The following ZFHX3 variants were observed in gnomAD, a reference collection of about 807,000 sequenced individuals.
The protein encoded by ZFHX3 is zinc finger homeobox 3, also known as zinc finger homeobox protein 3.
Under a neutral mutation model 279.1 loss-of-function variants are expected in ZFHX3, and 42 were observed. That is an observed-to-expected ratio of 0.15 (90% CI 0.12 to 0.19). The LOEUF (loss-of-function observed/expected upper bound fraction) is 0.19, where lower values mean the gene tolerates loss of function less well. Ranked by LOEUF, ZFHX3 falls within the 10% of genes least tolerant of loss-of-function variation. The pLI, the probability that ZFHX3 is intolerant of heterozygous loss-of-function variation, is 1.00. For missense variants in ZFHX3, 4,981 were observed against 4,754.0 expected (o/e 1.05, Z -1.40); for synonymous variants, 2,293 against 1,957.8 (o/e 1.17, Z -4.52).
chr16:72,982,658 C>T (rs1018328793), intron 1 of ZFHX3, among the ~76,000 whole-genome samples: 1 of 152,112 alleles, frequency 6.6e-6, no homozygotes, highest in Admixed American at 6.5e-5. Context: ...GACATTAAGT[C>T]GTAAATTTTT....
intron 5 of ZFHX3, among the ~76,000 whole-genome samples, chr16:72,823,758 C>T (rs867987502): frequency 6.6e-6 from 1 of 152,130 alleles, no homozygotes; most frequent in South Asian, 2.1e-4. Flanking sequence ...TTGTTAATAA[C>T]CCATTTGGTC....
chr16:73,311,586 T>A (rs1350348021), intron 4 of ZFHX3, among the ~76,000 whole-genome samples: 3 of 57,958 alleles, frequency 5.2e-5, no homozygotes, highest in East Asian at 4.5e-4. Context: ...ACATACTCCA[T>A]CTCAAAAAAA....
At chr16:73,136,385 ACTAT>A (rs747080286) in intron 6 of ZFHX3, among the ~76,000 whole-genome samples, 6 of 151,976 alleles carry the variant, frequency 3.9e-5, no homozygotes, top group South Asian at 2.1e-4. Flanking sequence ...TTCATTCTAA[ACTAT>A]CTATTAGGTT....
chr16:72,945,102 C>A (rs929715883), intron 3 of ZFHX3, among the ~76,000 whole-genome samples: 1 of 152,082 alleles, frequency 6.6e-6, no homozygotes, highest in African/African-American at 2.4e-5. Context: ...AAAGCTTGTG[C>A]CTAAAGCCAT....
At chr16:73,152,561 G>C (rs1224421555) in intron 5 of ZFHX3, among the ~76,000 whole-genome samples, 1 of 151,620 alleles carries the variant, frequency 6.6e-6, no homozygotes, top group Non-Finnish European at 1.5e-5. Context: ...AGGGATTGCT[G>C]GCTCTTTTCA....
rs745673984 is a variant in ZFHX3, at chr16:72,797,583, T to C, written c.5099A>G (p.Asn1700Ser). Residue 1700 changes from asparagine (N) to serine (S), a missense_variant, in exon 9 of 10, where the codon AAC (asparagine) becomes AGC (serine). Asn to Ser is a conservative substitution (Grantham distance 46). Transcript: ENST00000268489. ...TTTGGGCTCTGAAGGGGAAGCAATG[T>C]TGGCACCAATAGGATTCCCCAGGGG... Reference protein sequence around the residue: ...MPPLGNPIGANIASPSEPKEA... With the variant: ...MPPLGNPIGASIASPSEPKEA... The C allele has an allele frequency of 1.9e-6, 3 of 1,614,084 alleles. No homozygotes were observed. The highest frequency in any genetic ancestry group is 2.5e-6 in the Non-Finnish European group (3 of 1,180,002).
At chr16:73,634,520 G>A (rs1435492739) in intron 2 of ZFHX3, among the ~76,000 whole-genome samples, 1 of 149,764 alleles carries the variant, frequency 6.7e-6, no homozygotes, top group Non-Finnish European at 1.5e-5. Context: ...TATTTCCCCA[G>A]ATATTTTACA....
At chr16:73,169,142 T>G (rs576135817) in intron 5 of ZFHX3, among the ~76,000 whole-genome samples, 15 of 152,332 alleles carry the variant, frequency 9.8e-5, no homozygotes, top group Admixed American at 5.2e-4. Flanking sequence ...TAAAGTTCAC[T>G]TATTTGTTCA....
At chr16:73,498,054 T>C (rs561833512) in intron 2 of ZFHX3, among the ~76,000 whole-genome samples, 3 of 152,336 alleles carry the variant, frequency 2.0e-5, no homozygotes, top group South Asian at 2.1e-4. Flanking sequence ...ATATTAACAA[T>C]GGCCATTGCT....
At chr16:72,835,442 G>C (rs529466321) in intron 4 of ZFHX3, among the ~76,000 whole-genome samples, 1 of 152,176 alleles carries the variant, frequency 6.6e-6, no homozygotes, top group African/African-American at 2.4e-5. Flanking sequence ...AAAGCCTTTT[G>C]TTAAAAGCTC....
chr16:72,793,974 C>G lies in ZFHX3; in HGVS notation c.8708G>C (p.Ser2903Thr). The change falls in exon 9 of 10, where the codon AGC becomes ACC. Residue 2903 changes from serine (S) to threonine (T), a missense_variant. By Grantham distance (58) the Ser-to-Thr change is moderately conservative. Transcript: ENST00000268489. This position sits in a 1 kb window ranked among gnomAD's most constrained non-coding sequence, Gnocchi z 4.3. Reference protein sequence around the residue: ...GLVSPAPSFYSKEYDNEGTVD... With the variant: ...GLVSPAPSFYTKEYDNEGTVD... ...TGTACCTTCATTGTCATATTCCTTG[C>G]TATAAAAGCTCGGGGCCGGGCTGAC... The G allele has an allele frequency of 6.2e-7, 1 of 1,614,250 alleles. No individual in the cohort carries two copies. The highest frequency in any genetic ancestry group is 1.3e-5 in the African/African-American group (1 of 75,076).
intron 2 of ZFHX3, among the ~76,000 whole-genome samples, chr16:73,678,033 A>G (rs1010579225): frequency 6.6e-6 from 1 of 152,160 alleles, no homozygotes; most frequent in Non-Finnish European, 1.5e-5. Flanking sequence ...AGGGAAAAAC[A>G]AATGCAAAAG....
At chr16:73,783,301 C>A (rs551871184) in intron 1 of ZFHX3, among the ~76,000 whole-genome samples, 4 of 152,332 alleles carry the variant, frequency 2.6e-5, no homozygotes, top group African/African-American at 9.6e-5. Flanking sequence ...TCTGCTGAGG[C>A]CTCTGCTGCA....
At chr16:72,906,562 C>G (rs540299265) in intron 3 of ZFHX3, among the ~76,000 whole-genome samples, 7 of 152,178 alleles carry the variant, frequency 4.6e-5, no homozygotes, top group African/African-American at 1.7e-4. Context: ...TATGGGAGGC[C>G]GAGGCAGGCG....
intron 3 of ZFHX3, among the ~76,000 whole-genome samples, chr16:72,941,640 G>A (rs1960413616): frequency 6.6e-6 from 1 of 150,478 alleles, no homozygotes; most frequent in Non-Finnish European, 1.5e-5. Flanking sequence ...GCAACATAGT[G>A]AGACCCTGTT....
At chr16:73,640,186 G>T (rs758615331) in intron 2 of ZFHX3, among the ~76,000 whole-genome samples, 3 of 152,136 alleles carry the variant, frequency 2.0e-5, no homozygotes, top group Non-Finnish European at 4.4e-5. Context: ...TTGCAAGCTG[G>T]ACATTGATGC....
At chr16:73,168,217 T>TTC (rs1181775770) in intron 5 of ZFHX3, among the ~76,000 whole-genome samples, 4 of 108,650 alleles carry the variant, frequency 3.7e-5, no homozygotes, top group Admixed American at 9.1e-5. Context: ...TTTGTTTTCT[T>TTC]TCTTTCTTTC....
rs939729029 is a variant in ZFHX3, at chr16:72,999,882, G to A, written c.-49-39688C>T. 6.6e-5 allele frequency among the ~76,000 whole-genome samples: 10 copies of A among 152,226 alleles called. No homozygotes were observed. In the East Asian group the frequency reaches 1.9e-3, roughly 29 times the overall value. On this transcript the variant is annotated intron_variant, in intron 1 of 9. Transcript: ENST00000268489. The stretch of plus-strand genomic sequence containing the variant: ...GGACACTGGCAAGCTGAAAGCTTCT[G>A]CAGGCTCATCCATCCAGATTCAGCT...
intron 2 of ZFHX3, among the ~76,000 whole-genome samples, chr16:73,591,779 A>G (rs1309699953): frequency 6.6e-6 from 1 of 150,936 alleles, no homozygotes; most frequent in African/African-American, 2.4e-5. Context: ...CAGGAGATCT[A>G]TCAATGAATG....
Sources: gnomAD v4.1 joint callset for allele counts (sites outside exome capture counted in the v4.1 genomes callset) on GRCh38, gnomAD v4.1.1 for gene constraint, Gnocchi (gnomAD v3.1) non-coding constraint, MANE v1.5 for transcripts, NCBI Gene and HGNC (gene_info 2026-07-23, HGNC 2026-07-21) for gene names.